INPP4B: variants seen among roughly 807,000 people sequenced by gnomAD.
The protein encoded by INPP4B is inositol polyphosphate 4-phosphatase type II.
Under a neutral mutation model 122.5 loss-of-function variants are expected in INPP4B, and 55 were observed. The observed-to-expected ratio is 0.45, with a 90% CI of 0.36 to 0.56. The LOEUF (loss-of-function observed/expected upper bound fraction) is 0.56, where lower values mean the gene tolerates loss of function less well. INPP4B is among the 20% of genes least tolerant of loss of function. INPP4B has a pLI of 0.00. For missense variants in INPP4B, 1,000 were observed against 1,097.7 expected (o/e 0.91, Z 1.26); for synonymous variants, 403 against 388.7 (o/e 1.04, Z -0.43).
chr4:142,594,443 T>C (rs1738223440), intron 2 of INPP4B, among the ~76,000 whole-genome samples: 1 of 152,182 alleles, frequency 6.6e-6, no homozygotes, highest in African/African-American at 2.4e-5. Flanking sequence ...AAAAATTCTG[T>C]AAGGTGGATA....
chr4:142,412,431 A>ATG (rs912348429), intron 5 of INPP4B, among the ~76,000 whole-genome samples: 1 of 152,102 alleles, frequency 6.6e-6, no homozygotes, highest in African/African-American at 2.4e-5. Flanking sequence ...AGATCTCCTG[A>ATG]GTACATTCAG....
At chr4:142,245,172 C>T (rs1181740840) in intron 11 of INPP4B, among the ~76,000 whole-genome samples, 1 of 152,072 alleles carries the variant, frequency 6.6e-6, no homozygotes, top group Non-Finnish European at 1.5e-5. Flanking sequence ...CTTTAGGTTG[C>T]CTGTTCACTC....
At chr4:142,276,208 C>T (rs1244644586) in intron 9 of INPP4B, among the ~76,000 whole-genome samples, 1 of 151,806 alleles carries the variant, frequency 6.6e-6, no homozygotes, top group Non-Finnish European at 1.5e-5. Flanking sequence ...TCCCTTCCTC[C>T]AGTATCTGTT....
At chr4:142,684,049 A>G (rs1025861073) in intron 2 of INPP4B, among the ~76,000 whole-genome samples, 56 of 152,016 alleles carry the variant, frequency 3.7e-4, no homozygotes, top group African/African-American at 1.3e-3. Context: ...ATATATGGAG[A>G]TGAAAAGACA....
chr4:142,691,811 G>C (rs563069421), intron 2 of INPP4B, among the ~76,000 whole-genome samples: 22 of 150,536 alleles, frequency 1.5e-4, no homozygotes, highest in Admixed American at 7.9e-4. Flanking sequence ...TCAAAAACGT[G>C]GGGGGGACAA....
chr4:142,367,661 C>T (rs140373183), intron 7 of INPP4B, among the ~76,000 whole-genome samples: 2 of 152,176 alleles, frequency 1.3e-5, no homozygotes, highest in Admixed American at 1.3e-4. Context: ...ACATTATGCT[C>T]TATTGTCCGC....
chr4:142,037,594 T>C (rs1272051328), intron 25 of INPP4B, among the ~76,000 whole-genome samples: 1 of 152,186 alleles, frequency 6.6e-6, no homozygotes, highest in Non-Finnish European at 1.5e-5. Flanking sequence ...CATGATAAAA[T>C]GAGAACATTT....
At chr4:142,122,033 C>A in intron 21 of INPP4B, 95 bp downstream of exon 21, 1 of 770,014 alleles carries the variant, frequency 1.3e-6, no homozygotes, top group Non-Finnish European at 2.2e-6. Context: ...AAGAAATATT[C>A]CCAAATCAAA....
intron 2 of INPP4B, among the ~76,000 whole-genome samples, chr4:142,470,477 T>C (rs1050476603): frequency 6.6e-6 from 1 of 152,176 alleles, no homozygotes; most frequent in Non-Finnish European, 1.5e-5. Context: ...CCCAAGAGTA[T>C]TTTCTAAGAA....
chr4:142,251,882 C>T (rs1177831489), intron 11 of INPP4B, among the ~76,000 whole-genome samples: 1 of 152,154 alleles, frequency 6.6e-6, no homozygotes, highest in African/African-American at 2.4e-5. Flanking sequence ...GATTATCATG[C>T]TATGTCACTG....
At chr4:142,108,292 AGG>A in intron 22 of INPP4B, 102 bp from the exon 23 acceptor site, 1 of 682,712 alleles carries the variant, frequency 1.5e-6, no homozygotes, top group Non-Finnish European at 2.6e-6. Flanking sequence ...TAATTTCCTA[AGG>A]AAAGAGTCTG....
intron 1 of INPP4B, among the ~76,000 whole-genome samples, chr4:142,786,380 G>T (rs116741523): frequency 0.02 from 3,068 of 152,168 alleles, 101 homozygotes; most frequent in African/African-American, 0.068. Context: ...ATTCATATTA[G>T]ATTATAACCC....
chr4:142,743,193 G>T (rs1172778058), intron 1 of INPP4B, among the ~76,000 whole-genome samples: 1 of 151,894 alleles, frequency 6.6e-6, no homozygotes, highest in Non-Finnish European at 1.5e-5. Flanking sequence ...GCACAAAACT[G>T]TACTTTATGA....
chr4:142,600,064 C>G (rs995285625), intron 2 of INPP4B, among the ~76,000 whole-genome samples: 1 of 151,972 alleles, frequency 6.6e-6, no homozygotes, highest in Non-Finnish European at 1.5e-5. Context: ...TGATATCCCC[C>G]AAAGCAAAGA....
intron 18 of INPP4B, among the ~76,000 whole-genome samples, chr4:142,138,310 C>G (rs2152817476): frequency 6.8e-6 from 1 of 146,382 alleles, no homozygotes; most frequent in East Asian, 2.1e-4. Context: ...ACCGCATGTT[C>G]TCACTCATAG....
rs887308833 is a variant in INPP4B at position 142,180,841 on chromosome 4, C to T, written c.1182-7032G>A. Among the ~76,000 whole-genome samples, 7 of 152,134 alleles carry T rather than the reference C, an allele frequency of 4.6e-5. No individual in the cohort carries two copies. In the South Asian group the frequency reaches 6.2e-4, roughly 14 times the overall value. ...TAAATATTAAAAATATAATTAAAGA[C>T]GTTCTCACCTAATTAAAACAAAGTT... On this transcript the variant is annotated intron_variant, in intron 15 of 25. Coordinates refer to ENST00000262992, the MANE Select transcript of INPP4B (RefSeq NM_001101669.3).
At chr4:142,621,637 T>C (rs923425745) in intron 2 of INPP4B, among the ~76,000 whole-genome samples, 1 of 151,970 alleles carries the variant, frequency 6.6e-6, no homozygotes. Flanking sequence ...AAGCATTTAT[T>C]TTTTAACATC....
At chr4:142,265,109 A>T (rs925373980) in intron 10 of INPP4B, among the ~76,000 whole-genome samples, 4 of 152,206 alleles carry the variant, frequency 2.6e-5, no homozygotes, top group African/African-American at 4.8e-5. Flanking sequence ...GGAACTGAAC[A>T]GGCTGGCACC....
At chr4:142,297,062 T>C (rs1052360151) in intron 9 of INPP4B, among the ~76,000 whole-genome samples, 1 of 152,216 alleles carries the variant, frequency 6.6e-6, no homozygotes, top group African/African-American at 2.4e-5. Flanking sequence ...ATCAGCAACC[T>C]CTAAAAGCAA....
Sources: gnomAD v4.1 joint callset for allele counts (sites outside exome capture counted in the v4.1 genomes callset) on GRCh38, gnomAD v4.1.1 for gene constraint, MANE v1.5 for transcripts, NCBI Gene and HGNC (gene_info 2026-07-23, HGNC 2026-07-21) for gene names.